The following ABL1 variants were observed in gnomAD, a reference collection of about 807,000 sequenced individuals.
ABL1 encodes ABL proto-oncogene 1, non-receptor tyrosine kinase.
A neutral mutation model predicts 94.7 loss-of-function variants in ABL1; 11 were observed. The observed-to-expected ratio is 0.12, with a 90% confidence interval of 0.07 to 0.19. The LOEUF (loss-of-function observed/expected upper bound fraction) is 0.19. Ranked by LOEUF, ABL1 falls within the 10% of genes least tolerant of loss-of-function variation. ABL1 has a pLI of 1.00. For missense variants in ABL1, 1,082 were observed against 1,489.4 expected (o/e 0.73, Z 4.50); for synonymous variants, 656 against 622.4 (o/e 1.05, Z -0.80).
At chr9:130,797,988 T>G (rs1294808615) in intron 1 of ABL1, among the ~76,000 whole-genome samples, 1 of 152,144 alleles carries the variant, frequency 6.6e-6, no homozygotes, top group Non-Finnish European at 1.5e-5. Context: ...TTGATTTAAT[T>G]TCTTCAGCAG....
chr9:130,878,131 A>T (rs34759251), intron 7 of ABL1, among the ~76,000 whole-genome samples: 1,738 of 151,778 alleles, frequency 0.011, 39 homozygotes, highest in African/African-American at 0.039. Flanking sequence ...TTGTATTTTT[A>T]GTAGAGATGG....
intron 1 of ABL1, among the ~76,000 whole-genome samples, chr9:130,839,606 G>A (rs970850383): frequency 6.6e-6 from 1 of 152,188 alleles, no homozygotes; most frequent in African/African-American, 2.4e-5. Context: ...TTAGGTGGCA[G>A]TACTTTTCAA....
At chr9:130,721,444 C>T (rs1035135466) in intron 1 of ABL1, among the ~76,000 whole-genome samples, 1 of 152,088 alleles carries the variant, frequency 6.6e-6, no homozygotes, top group East Asian at 1.9e-4. Flanking sequence ...TGCGGTGGCT[C>T]ATGCCTGTAA....
At chr9:130,761,816 C>T (rs1211305633) in intron 1 of ABL1, among the ~76,000 whole-genome samples, 3 of 152,124 alleles carry the variant, frequency 2.0e-5, no homozygotes, top group Non-Finnish European at 4.4e-5. Context: ...ATATTCATCA[C>T]ATTACAAAAT....
chr9:130,867,102 G>T (rs1448288107), intron 4 of ABL1, among the ~76,000 whole-genome samples: 1 of 152,242 alleles, frequency 6.6e-6, no homozygotes, highest in Non-Finnish European at 1.5e-5. Flanking sequence ...GTGGCATTTA[G>T]ATTGACTCAT....
chr9:130,762,772 G>C (rs1199108384), intron 1 of ABL1, among the ~76,000 whole-genome samples: 3 of 151,938 alleles, frequency 2.0e-5, no homozygotes, highest in African/African-American at 7.3e-5. Flanking sequence ...TTGGCCGGGT[G>C]TGGTAGCGGG....
upstream of ABL1, among the ~76,000 whole-genome samples, chr9:130,830,279 T>TC (rs1410800657): frequency 6.6e-6 from 1 of 152,186 alleles, no homozygotes; most frequent in East Asian, 1.9e-4. Flanking sequence ...TCAGATTTGG[T>TC]CCCCAGCTGA....
intron 1 of ABL1, among the ~76,000 whole-genome samples, chr9:130,741,065 C>A (rs577352799): frequency 3.9e-5 from 6 of 152,098 alleles, no homozygotes; most frequent in African/African-American, 1.4e-4. Flanking sequence ...CAATGAATGG[C>A]CACAGGTACA....
intron 1 of ABL1, among the ~76,000 whole-genome samples, chr9:130,850,706 T>C (rs889304057): frequency 2.0e-5 from 3 of 151,208 alleles, no homozygotes; most frequent in Non-Finnish European, 3.0e-5. Flanking sequence ...GGGGTTTCGC[T>C]ATGTTGGCCA....
chr9:130,718,668 C>T (rs1184269262), intron 1 of ABL1, among the ~76,000 whole-genome samples: 1 of 151,864 alleles, frequency 6.6e-6, no homozygotes, highest in African/African-American at 2.4e-5. Flanking sequence ...ATTGCTTGAG[C>T]CCAGGAGTTC....
intron 1 of ABL1, among the ~76,000 whole-genome samples, chr9:130,822,491 A>G (rs1430343709): frequency 2.4e-5 from 3 of 126,268 alleles, no homozygotes; most frequent in African/African-American, 3.2e-5. Flanking sequence ...TGTGTTGTTC[A>G]GGCTGGCCTC....
intron 1 of ABL1, among the ~76,000 whole-genome samples, chr9:130,848,689 C>A (rs1830812709): frequency 6.6e-6 from 1 of 152,084 alleles, no homozygotes; most frequent in African/African-American, 2.4e-5. Context: ...ATAATCCCAG[C>A]ACTTTGGGAG....
At chr9:130,837,212 A>C (rs1830602525) in intron 1 of ABL1, among the ~76,000 whole-genome samples, 1 of 152,182 alleles carries the variant, frequency 6.6e-6, no homozygotes, top group Non-Finnish European at 1.5e-5. Context: ...TTGATGTCTG[A>C]GCATTCCAAA....
chr9:130,885,890 C>T lies in ABL1; in HGVS notation c.*207C>T, dbSNP rs947818706. On this transcript the variant is annotated 3_prime_UTR_variant, in exon 11 of 11. Coordinates refer to ENST00000318560, the MANE Select transcript of ABL1 (RefSeq NM_005157.6). Reference sequence around the variant, plus strand: ...TGCCCTCCCGCACCTTCCTCCTCCCCGCTCCGTCTCTGTCCTCGAATTTTA... The same window carrying T: ...TGCCCTCCCGCACCTTCCTCCTCCCTGCTCCGTCTCTGTCCTCGAATTTTA... 2.1e-4 allele frequency: 134 copies of T among 635,490 alleles called. No homozygotes were observed. The highest frequency in any genetic ancestry group is 4.1e-4 in the Admixed American group (13 of 31,382). 39.4% of individuals were successfully genotyped at this position (635,490 alleles called of 1,614,324 possible). A position where few individuals can be genotyped will look rare whatever the true frequency, so the allele number is the denominator to read the frequency against.
Position 130,862,656 on chromosome 9 carries a change from G to A in ABL1, c.550-107G>A. 1 of 1,275,944 alleles carries A rather than the reference G, an allele frequency of 7.8e-7. No homozygotes were observed. Among genetic ancestry groups the A allele is most frequent in the African/African-American group, 1.5e-5 (1 of 67,064 alleles). 79.0% of individuals were successfully genotyped at this position (1,275,944 alleles called of 1,614,324 possible). On this transcript the variant is annotated intron_variant, in intron 3 of 10. Coordinates refer to ENST00000318560, the MANE Select transcript of ABL1 (RefSeq NM_005157.6). The surrounding 1 kb of genome is among the most constrained non-coding windows in gnomAD (Gnocchi z 5.5). ...CTGTCCTGTGTGGAGAGCTCCTTAT[G>A]TGAGATTTTGCTGTGTAGTGAATTA...
upstream of ABL1, chr9:130,834,833 G>C (rs1324866225): frequency 4.4e-6 from 2 of 452,560 alleles, no homozygotes; most frequent in Non-Finnish European, 8.9e-6. Flanking sequence ...AATGAGACCA[G>C]TTAGTATTGG....
intron 1 of ABL1, among the ~76,000 whole-genome samples, chr9:130,717,659 TA>T (rs55678553): frequency 0.014 from 1,816 of 127,774 alleles, 18 homozygotes; most frequent in African/African-American, 0.036. Flanking sequence ...CTCTGGGGGG[TA>T]AAAAAAAAAA....
chr9:130,818,886 T>TC (rs1830323410), intron 1 of ABL1, among the ~76,000 whole-genome samples: 1 of 152,224 alleles, frequency 6.6e-6, no homozygotes, highest in Admixed American at 6.5e-5. Flanking sequence ...TTCCAATTTC[T>TC]CCCCCAAGAA....
chr9:130,732,623 C>T (rs1831680786), intron 1 of ABL1, among the ~76,000 whole-genome samples: 1 of 152,152 alleles, frequency 6.6e-6, no homozygotes, highest in Non-Finnish European at 1.5e-5. Context: ...ATAATTTGTT[C>T]TATCCACTTG....
Sources: allele counts gnomAD v4.1 joint callset (sites outside exome capture counted in the v4.1 genomes callset), GRCh38; gene constraint gnomAD v4.1.1; non-coding constraint Gnocchi (gnomAD v3.1); transcripts MANE v1.5; gene names NCBI Gene and HGNC (gene_info 2026-07-23, HGNC 2026-07-21).